EPRS1: variants seen among roughly 807,000 people sequenced by gnomAD.
EPRS1 encodes the protein bifunctional glutamate/proline--tRNA ligase.
A neutral mutation model predicts 188.3 loss-of-function variants in EPRS1; 107 were observed. That is an observed-to-expected ratio of 0.57 (90% CI 0.49 to 0.67). The LOEUF is 0.67. Among genes scored for constraint, EPRS1 ranks in the 30% least tolerant of loss-of-function variants. The pLI, the probability that EPRS1 is intolerant of heterozygous loss-of-function variation, is 0.00. For synonymous variants in EPRS1, 596 were observed against 593.1 expected, an observed-to-expected ratio of 1.00 and a Z score of -0.07; for missense variants, 1,577 against 1,802.2, an observed-to-expected ratio of 0.88 and a Z score of 2.26.
chr1:219,991,227 T>TAA (rs61141405), intron 18 of EPRS1, among the ~76,000 whole-genome samples: 4 of 123,610 alleles, frequency 3.2e-5, no homozygotes, highest in East Asian at 2.3e-4. Context: ...GGAGTGACCT[T>TAA]AAAAAAAAAA....
intron 2 of EPRS1, among the ~76,000 whole-genome samples, chr1:220,035,275 C>T (rs1392611684): frequency 6.6e-6 from 1 of 152,108 alleles, no homozygotes; most frequent in Non-Finnish European, 1.5e-5. Flanking sequence ...CTCAGCCTCC[C>T]AAGTAGCTGT....
intron 16 of EPRS1, among the ~76,000 whole-genome samples, chr1:220,002,135 G>C (rs191921977): frequency 2.9e-4 from 44 of 152,056 alleles, no homozygotes; most frequent in Middle Eastern, 3.4e-3. Flanking sequence ...TTCGAGACTA[G>C]CCTGGCCAAC....
intron 12 of EPRS1, among the ~76,000 whole-genome samples, chr1:220,017,007 G>A (rs1017578464): frequency 2.0e-5 from 3 of 151,994 alleles, no homozygotes; most frequent in Non-Finnish European, 2.9e-5. Context: ...AAGTTCAGGG[G>A]TTTGAGACCA....
chr1:220,025,334 G>C, intron 6 of EPRS1, 76 bp from the exon 7 acceptor site: 1 of 1,144,986 alleles, frequency 8.7e-7, no homozygotes, highest in South Asian at 1.8e-5. Flanking sequence ...TTTTTGAGGA[G>C]ATGAGAACTA....
At chr1:220,006,375 T>A in intron 14 of EPRS1, 62 bp from the exon 15 acceptor site, 1 of 547,128 alleles carries the variant, frequency 1.8e-6, no homozygotes, top group Non-Finnish European at 2.9e-6. Context: ...AATTCATTAT[T>A]TTGTTCTATA....
chr1:220,032,588 G>T lies in EPRS1; in HGVS notation c.389-62C>A, dbSNP rs1662107825. 4 of 1,545,018 alleles carry T rather than the reference G, an allele frequency of 2.6e-6. No homozygotes were observed. The South Asian group carries it at 4.6e-5, about 18-fold the overall frequency. ...CTGCAGCTTCAAAAGCAAAGTTCCAGTTGTGACTAATTGAAGTAATTGAGA... is the reference window on the plus strand; with the variant it reads ...CTGCAGCTTCAAAAGCAAAGTTCCATTTGTGACTAATTGAAGTAATTGAGA... On this transcript the variant is annotated intron_variant, in intron 4 of 31. Coordinates refer to ENST00000366923, the MANE Select transcript of EPRS1 (RefSeq NM_004446.3).
chr1:220,010,803 C>T (rs1420770436), intron 13 of EPRS1, 143 bp downstream of exon 13: 6 of 481,476 alleles, frequency 1.2e-5, no homozygotes, highest in African/African-American at 3.4e-5. Flanking sequence ...AGCAAGACTA[C>T]GTCTCAAAAA....
At chr1:220,016,856 C>T (rs1033358026) in intron 12 of EPRS1, among the ~76,000 whole-genome samples, 14 of 151,948 alleles carry the variant, frequency 9.2e-5, no homozygotes, top group East Asian at 3.9e-4. Context: ...TCTTCCATCA[C>T]GGGAAGTCAA....
At chr1:219,985,095 T>C (rs1025557953) in intron 20 of EPRS1, among the ~76,000 whole-genome samples, 3 of 151,664 alleles carry the variant, frequency 2.0e-5, no homozygotes, top group Non-Finnish European at 4.4e-5. Context: ...GAGACATCTC[T>C]TAAAAAGTTG....
intron 6 of EPRS1, among the ~76,000 whole-genome samples, chr1:220,025,941 C>T (rs995878846): frequency 4.6e-5 from 7 of 152,024 alleles, no homozygotes; most frequent in African/African-American, 9.7e-5. Context: ...ACTACAGGCA[C>T]GCGCCACCAT....
At chr1:219,983,060 T>C in intron 22 of EPRS1, 129 bp downstream of exon 22, 2 of 797,836 alleles carry the variant, frequency 2.5e-6, no homozygotes, top group Non-Finnish European at 4.0e-6. Context: ...TTACTTGCTA[T>C]AAAGGTAGAA....
Position 219,969,715 on chromosome 1 carries a change from G to A in EPRS1, c.4324-593C>T, listed in dbSNP as rs560636871. 2.3e-3 allele frequency among the ~76,000 whole-genome samples: 346 copies of A among 151,288 alleles called. 2 individuals are homozygous for A. The highest frequency in any genetic ancestry group is 7.4e-3 in the African/African-American group (305 of 41,270). On this transcript the variant is annotated intron_variant, in intron 30 of 31. Coordinates refer to ENST00000366923, the MANE Select transcript of EPRS1 (RefSeq NM_004446.3). ...CTACATAAAACAAAGGCCGAATCAAGATACTTAGGATTTTATTTTAATTTT... is the reference window on the plus strand; with the variant it reads ...CTACATAAAACAAAGGCCGAATCAAAATACTTAGGATTTTATTTTAATTTT...
chr1:219,980,333 G>A, intron 25 of EPRS1, 93 bp from the exon 26 acceptor site: 2 of 943,714 alleles, frequency 2.1e-6, no homozygotes, highest in South Asian at 3.5e-5. Context: ...AATTGTGTGG[G>A]AAAAGCAATC....
chr1:219,989,009 T>G (rs944728200), intron 18 of EPRS1, among the ~76,000 whole-genome samples, 186 bp from the exon 19 acceptor site: 1 of 152,120 alleles, frequency 6.6e-6, no homozygotes, highest in Non-Finnish European at 1.5e-5. Flanking sequence ...ATATATAAGC[T>G]GAATAAACAA....
intron 13 of EPRS1, among the ~76,000 whole-genome samples, chr1:220,008,168 G>A (rs1571679888): frequency 1.3e-5 from 2 of 151,010 alleles, no homozygotes; most frequent in Middle Eastern, 7.0e-3. Flanking sequence ...TGCAGCAAAG[G>A]AGAAAATAAG....
At position 219,996,992 on chromosome 1, in the gene EPRS1, T is replaced by C. The variant is rs772174630; in HGVS notation, c.2532A>G (p.Lys844=). The C allele has an allele frequency of 1.9e-6, 3 of 1,595,288 alleles. No individual in the cohort carries two copies. Among genetic ancestry groups the C allele is most frequent in the South Asian group, 1.1e-5 (1 of 88,148 alleles). ...TCTCTAACATACTGACCTTAGGGGA[T>C]TTTTCAGCTTTTAGCTTACGAACCA... ...GEVVRKLKAE[K]SPKAKINEAV... Residue 844 remains lysine (K), a synonymous_variant, in exon 18 of 32, where the codon AAA becomes AAG. Transcript: ENST00000366923.
chr1:220,036,362 A>G (rs1333143140), intron 2 of EPRS1, among the ~76,000 whole-genome samples: 1 of 152,194 alleles, frequency 6.6e-6, no homozygotes, highest in Non-Finnish European at 1.5e-5. Flanking sequence ...AGTTCATTCT[A>G]CCATAAAGAC....
rs1462119398 is a variant in EPRS1 at position 220,010,972 on chromosome 1, TCTC to T, written c.1576_1578del (p.Glu526del). 6.2e-7 allele frequency: 1 copy of T among 1,611,860 alleles called. No homozygotes were observed. Among genetic ancestry groups the T allele is most frequent in the Admixed American group, 1.7e-5 (1 of 60,002 alleles). On this transcript the variant is annotated inframe_deletion, in exon 13 of 32. Coordinates refer to ENST00000366923, the MANE Select transcript of EPRS1 (RefSeq NM_004446.3). Reference sequence around the variant, plus strand: ...TTTGGGTGTTTGGCTACTTCTTTCATCTCCTCCTGAGCTTCAGGTACATTCACT... The same window carrying T: ...TTTGGGTGTTTGGCTACTTCTTTCATCTCCTGAGCTTCAGGTACATTCACT...
At position 219,968,699 on chromosome 1, in the gene EPRS1, G is replaced by C; in HGVS notation, c.*107C>G. 8.8e-7 allele frequency: 1 copy of C among 1,130,436 alleles called. No individual in the cohort carries two copies. Among genetic ancestry groups the C allele is most frequent in the African/African-American group, 1.5e-5 (1 of 64,586 alleles). The allele number at this position is 1,130,436 out of a possible 1,614,324, so 70.0% of individuals were successfully genotyped here. ...AATTGTCCTGTGTGACTTCATTTTA[G>C]AACTTTTACTTTTTAAAAAATCATA... On this transcript the variant is annotated 3_prime_UTR_variant, in exon 32 of 32. Coordinates refer to ENST00000366923, the MANE Select transcript of EPRS1 (RefSeq NM_004446.3).
Sources: allele counts gnomAD v4.1 joint callset (sites outside exome capture counted in the v4.1 genomes callset), GRCh38; gene constraint gnomAD v4.1.1; transcripts MANE v1.5; gene names NCBI Gene and HGNC (gene_info 2026-07-23, HGNC 2026-07-21).